Variants in GSTA5 observed in about 807,000 individuals in gnomAD.
The protein encoded by GSTA5 is glutathione S-transferase A5.
GSTA5 carries 25 observed loss-of-function variants against 21.8 expected under a neutral mutation model. The observed-to-expected ratio is 1.14, with a 90% confidence interval of 0.83 to 1.60. The LOEUF (loss-of-function observed/expected upper bound fraction) is 1.60. Among genes scored for constraint, GSTA5 ranks in the 40% most tolerant of loss-of-function variants. The probability of loss-of-function intolerance (pLI) is 0.00; values close to 1 mark genes in which losing one functional copy is unlikely to be tolerated. For missense variants in GSTA5, 330 were observed against 259.2 expected (o/e 1.27, Z -1.88); for synonymous variants, 102 against 89.5 (o/e 1.14, Z -0.78).
chr6:52,845,074 T>G, upstream of GSTA5, among the ~76,000 whole-genome samples: 1 of 152,144 alleles, frequency 6.6e-6, no homozygotes, highest in East Asian at 1.9e-4. Flanking sequence ...AGGAATAAAT[T>G]TTTATATGAA....
At chr6:52,836,988 G>T (rs776592612) in intron 2 of GSTA5, among the ~76,000 whole-genome samples, 43 of 152,302 alleles carry the variant, frequency 2.8e-4, no homozygotes, top group Middle Eastern at 6.8e-3. Context: ...GTTGGGACAA[G>T]TTACAATAGG....
intron 1 of GSTA5, 113 bp downstream of exon 1, chr6:52,840,614 T>C (rs1764359074): frequency 4.9e-6 from 5 of 1,018,266 alleles, no homozygotes; most frequent in Non-Finnish European, 7.5e-6. Flanking sequence ...TTACAGTCCA[T>C]TTTTATTTAA....
chr6:52,837,579 C>G, exon 2 of GSTA5: 1 of 1,608,992 alleles, frequency 6.2e-7, no homozygotes. Context: ...TTGTCCAAAT[C>G]TTCTGCAGAT....
exon 6 of GSTA5, chr6:52,831,792 T>A: frequency 1.9e-6 from 3 of 1,602,054 alleles, no homozygotes; most frequent in Non-Finnish European, 2.6e-6. Flanking sequence ...AGCACTTCAT[T>A]GTTGCAAACT....
chr6:52,844,155 A>T (rs1764422028), upstream of GSTA5, among the ~76,000 whole-genome samples: 1 of 152,140 alleles, frequency 6.6e-6, no homozygotes, highest in African/African-American at 2.4e-5. Context: ...AAGCTAAAGC[A>T]CCTATCTCAT....
At chr6:52,837,020 A>T (rs1168922826) in intron 2 of GSTA5, among the ~76,000 whole-genome samples, 1 of 152,194 alleles carries the variant, frequency 6.6e-6, no homozygotes, top group African/African-American at 2.4e-5. Flanking sequence ...GTGCCATTTA[A>T]AATGGGAAGT....
upstream of GSTA5, among the ~76,000 whole-genome samples, chr6:52,844,680 C>T (rs2127326290): frequency 6.6e-6 from 1 of 152,246 alleles, no homozygotes; most frequent in African/African-American, 2.4e-5. Context: ...TCAATTTTCT[C>T]TTCTTAGAGT....
At chr6:52,832,899 T>C in exon 5 of GSTA5, 5 of 1,614,082 alleles carry the variant, frequency 3.1e-6, no homozygotes, top group Non-Finnish European at 4.2e-6. Flanking sequence ...CGAGTCAAGC[T>C]CTTCCACGTA....
exon 5 of GSTA5, chr6:52,832,978 G>C: frequency 6.2e-7 from 1 of 1,614,014 alleles, no homozygotes; most frequent in South Asian, 1.1e-5. Context: ...TCTTGTCTGT[G>C]GCTCTTTAAG....
chr6:52,836,443 G>T, intron 2 of GSTA5, 75 bp from the exon 3 acceptor site: 1 of 1,406,758 alleles, frequency 7.1e-7, no homozygotes, highest in South Asian at 1.3e-5. Flanking sequence ...AAATGGTTAT[G>T]GAAATGACTA....
At chr6:52,832,404 CA>C (rs1365627604) in intron 5 of GSTA5, among the ~76,000 whole-genome samples, 1 of 152,130 alleles carries the variant, frequency 6.6e-6, no homozygotes, top group Admixed American at 6.6e-5. Flanking sequence ...GATACAGTGT[CA>C]GGGGCAGAGT....
intron 1 of GSTA5, among the ~76,000 whole-genome samples, chr6:52,839,131 G>A (rs1244447824): frequency 6.6e-6 from 1 of 152,184 alleles, no homozygotes; most frequent in Admixed American, 6.5e-5. Flanking sequence ...AGGAACGGTG[G>A]GTGGTCCAGG....
upstream of GSTA5, among the ~76,000 whole-genome samples, chr6:52,845,641 G>T (rs764809335): frequency 1.3e-5 from 2 of 152,142 alleles, no homozygotes; most frequent in Non-Finnish European, 2.9e-5. Flanking sequence ...ATAAACCTTA[G>T]TTTTGAATTT....
intron 1 of GSTA5, among the ~76,000 whole-genome samples, chr6:52,839,723 C>G (rs1764345887): frequency 1.3e-5 from 2 of 152,190 alleles, no homozygotes; most frequent in African/African-American, 2.4e-5. Context: ...GGACTCTGGT[C>G]TGGACTGGGA....
intron 1 of GSTA5, among the ~76,000 whole-genome samples, 176 bp downstream of exon 1, chr6:52,840,547 TTAGA>T (rs1266401833): frequency 2.6e-5 from 4 of 152,276 alleles, no homozygotes; most frequent in Non-Finnish European, 4.4e-5. Context: ...ATGTATGCTC[TTAGA>T]TAAGAAGAAA....
At chr6:52,842,650 T>C (rs974744663), upstream of GSTA5, among the ~76,000 whole-genome samples, 1 of 152,122 alleles carries the variant, frequency 6.6e-6, no homozygotes, top group Non-Finnish European at 1.5e-5. Flanking sequence ...GGAGATCCAC[T>C]TGCCTCAGCC....
intron 1 of GSTA5, 86 bp from the exon 2 acceptor site, chr6:52,837,695 T>A: frequency 4.3e-6 from 4 of 935,972 alleles, no homozygotes; most frequent in Non-Finnish European, 6.7e-6. Flanking sequence ...TGGTGCATGA[T>A]TTGGAGAATA....
intron 1 of GSTA5, among the ~76,000 whole-genome samples, chr6:52,840,087 T>G (rs1424874271): frequency 6.6e-6 from 1 of 152,252 alleles, no homozygotes; most frequent in Non-Finnish European, 1.5e-5. Flanking sequence ...ATTTATAGTT[T>G]GCATTTTACC....
intron 3 of GSTA5, among the ~76,000 whole-genome samples, chr6:52,835,640 G>C (rs1268714047): frequency 6.6e-6 from 1 of 152,194 alleles, no homozygotes; most frequent in African/African-American, 2.4e-5. Context: ...CATCACAACA[G>C]AGAGGAGACC....
Sources: allele counts gnomAD v4.1 joint callset (sites outside exome capture counted in the v4.1 genomes callset), GRCh38; gene constraint gnomAD v4.1.1; transcripts MANE v1.5; gene names NCBI Gene and HGNC (gene_info 2026-07-23, HGNC 2026-07-21).